Variants in SUGCT observed in about 807,000 individuals in gnomAD.
The protein encoded by SUGCT is succinyl-CoA:glutarate-CoA transferase.
Under a neutral mutation model 55.0 loss-of-function variants are expected in SUGCT, and 41 were observed. The ratio of observed to expected loss-of-function variants is 0.74; its 90% confidence interval spans 0.58 to 0.97. The LOEUF is 0.97. Among genes scored for constraint, SUGCT ranks in the 50% least tolerant of loss-of-function variants. SUGCT has a pLI of 0.00. For missense variants in SUGCT, 568 were observed against 547.8 expected (o/e 1.04, Z -0.37); for synonymous variants, 187 against 200.4 (o/e 0.93, Z 0.56).
At chr7:40,377,235 C>T (rs62453373) in intron 9 of SUGCT, among the ~76,000 whole-genome samples, 4,539 of 6,728 alleles carry the variant, frequency 0.67, 1,992 homozygotes, top group South Asian at 0.85. Context: ...TCTTTCTTCC[C>T]TTCCTTCCTT....
At chr7:40,147,256 A>G (rs1054205843) in intron 1 of SUGCT, among the ~76,000 whole-genome samples, 7 of 151,636 alleles carry the variant, frequency 4.6e-5, no homozygotes, top group Non-Finnish European at 7.4e-5. Context: ...TTACTACTGG[A>G]GGTTTGTGTG....
intron 10 of SUGCT, among the ~76,000 whole-genome samples, chr7:40,457,570 T>G (rs1199571034): frequency 6.6e-6 from 1 of 152,218 alleles, no homozygotes; most frequent in Admixed American, 6.5e-5. Context: ...CTTTTTTAAT[T>G]TAAGCTCCAA....
At chr7:40,951,064 A>G in the SUGCT span, among the ~76,000 whole-genome samples, 2 of 152,256 alleles carry the variant, frequency 1.3e-5, no homozygotes, top group Admixed American at 1.3e-4. Flanking sequence ...CTCTGGTAGA[A>G]TTCAGCTGTG....
At chr7:40,514,084 C>T (rs933402971) in intron 12 of SUGCT, among the ~76,000 whole-genome samples, 1 of 151,928 alleles carries the variant, frequency 6.6e-6, no homozygotes, top group Non-Finnish European at 1.5e-5. Context: ...GTCACCGTGC[C>T]CGGCATCAGG....
chr7:40,234,991 C>T (rs1308360094), intron 6 of SUGCT, among the ~76,000 whole-genome samples: 1 of 151,858 alleles, frequency 6.6e-6, no homozygotes, highest in African/African-American at 2.4e-5. Flanking sequence ...GAAAGATAGG[C>T]ATAGTGGAAA....
intron 6 of SUGCT, among the ~76,000 whole-genome samples, chr7:40,230,178 A>C (rs1224492313): frequency 6.6e-6 from 1 of 152,184 alleles, no homozygotes; most frequent in African/African-American, 2.4e-5. Context: ...TGTATCTTAA[A>C]GAGTGCTAGG....
intron 8 of SUGCT, among the ~76,000 whole-genome samples, chr7:40,309,939 GAATA>G (rs1329701633): frequency 2.0e-5 from 3 of 147,884 alleles, no homozygotes; most frequent in Admixed American, 6.7e-5. Context: ...ATAAATGATT[GAATA>G]AATAAATAAA....
At chr7:40,942,977 A>T in the SUGCT span, among the ~76,000 whole-genome samples, 2 of 151,630 alleles carry the variant, frequency 1.3e-5, no homozygotes, top group Non-Finnish European at 2.9e-5. Flanking sequence ...TTTTTTTTAC[A>T]TTTCTTTATG....
At chr7:40,975,006 C>T in the SUGCT span, among the ~76,000 whole-genome samples, 4,587 of 152,216 alleles carry the variant, frequency 0.03, 133 homozygotes, top group East Asian at 0.1. Context: ...ATGCACCTGG[C>T]GCAGTAGGTG....
At chr7:40,952,633 T>C in the SUGCT span, among the ~76,000 whole-genome samples, 1 of 152,214 alleles carries the variant, frequency 6.6e-6, no homozygotes, top group Non-Finnish European at 1.5e-5. Context: ...TCAGGAGCTC[T>C]TGTAGGGCAG....
chr7:40,441,611 T>C (rs917916756), intron 9 of SUGCT, among the ~76,000 whole-genome samples: 4 of 152,172 alleles, frequency 2.6e-5, no homozygotes, highest in African/African-American at 9.6e-5. Context: ...AATTCATGTA[T>C]AGTAAGATAT....
rs1583628780 is a variant in SUGCT at position 40,414,914 on chromosome 7, A to G, written c.817-34373A>G. On this transcript the variant is annotated intron_variant, in intron 9 of 13. Coordinates refer to ENST00000335693, the MANE Select transcript of SUGCT (RefSeq NM_001193313.2). ...AAAAAGTTTAGCCAGGAGTGTTGGC[A>G]GGCGCCCATAATCCAAGCTACTCGG... Among the ~76,000 whole-genome samples the G allele has an allele frequency of 1.3e-5, 2 of 151,906 alleles. 1 individual carries two copies. The highest frequency in any genetic ancestry group is 4.2e-4 in the South Asian group (2 of 4,806).
At chr7:40,183,730 A>G (rs1785346556) in intron 3 of SUGCT, among the ~76,000 whole-genome samples, 1 of 152,106 alleles carries the variant, frequency 6.6e-6, no homozygotes, top group African/African-American at 2.4e-5. Flanking sequence ...TTTTGCTTTT[A>G]TGTTTTTCAT....
At chr7:40,779,758 G>A (rs1789639912) in intron 13 of SUGCT, among the ~76,000 whole-genome samples, 1 of 152,116 alleles carries the variant, frequency 6.6e-6, no homozygotes, top group South Asian at 2.1e-4. Flanking sequence ...GCTTTGCTGG[G>A]GTTTGCTGCC....
chr7:40,718,302 GA>G (rs1286351349), intron 12 of SUGCT, among the ~76,000 whole-genome samples: 1 of 152,176 alleles, frequency 6.6e-6, no homozygotes, highest in African/African-American at 2.4e-5. Flanking sequence ...CAATGTTTGA[GA>G]AGAAACCCGG....
At chr7:40,890,717 G>C in the SUGCT span, among the ~76,000 whole-genome samples, 2 of 152,196 alleles carry the variant, frequency 1.3e-5, no homozygotes, top group Non-Finnish European at 2.9e-5. Flanking sequence ...GTAAAGACTG[G>C]AGGAGGCACT....
intron 12 of SUGCT, among the ~76,000 whole-genome samples, chr7:40,639,606 G>GT (rs1800176997): frequency 6.7e-6 from 1 of 149,426 alleles, no homozygotes; most frequent in African/African-American, 2.5e-5. Flanking sequence ...CCTCCACTTC[G>GT]TGGGTTCAAG....
At chr7:40,294,399 C>T (rs545605117) in intron 8 of SUGCT, among the ~76,000 whole-genome samples, 16 of 152,146 alleles carry the variant, frequency 1.1e-4, no homozygotes, top group Non-Finnish European at 2.1e-4. Flanking sequence ...AGCCCTTGTC[C>T]TGAAAGGAAG....
At chr7:40,227,804 A>G (rs935325459) in intron 6 of SUGCT, among the ~76,000 whole-genome samples, 4 of 151,834 alleles carry the variant, frequency 2.6e-5, no homozygotes, top group Non-Finnish European at 4.4e-5. Context: ...TCGGAGGCCA[A>G]TGCCATTATC....
Sources: gnomAD v4.1 joint callset for allele counts (sites outside exome capture counted in the v4.1 genomes callset) on GRCh38, gnomAD v4.1.1 for gene constraint, MANE v1.5 for transcripts, NCBI Gene and HGNC (gene_info 2026-07-23, HGNC 2026-07-21) for gene names.